RNF121: variants seen among roughly 807,000 people sequenced by gnomAD.
RNF121 encodes E3 ubiquitin ligase RNF121.
RNF121 carries 21 observed loss-of-function variants against 46.5 expected under a neutral mutation model. The observed-to-expected ratio is 0.45, with a 90% CI of 0.32 to 0.65. The LOEUF is 0.65. RNF121 is among the 30% of genes least tolerant of loss of function. The pLI is 0.04. For synonymous variants in RNF121, 139 were observed against 144.7 expected (o/e 0.96, Z 0.28); for missense variants, 346 against 416.0 (o/e 0.83, Z 1.46).
chr11:71,982,114 G>A (rs1483987955), intron 3 of RNF121, among the ~76,000 whole-genome samples: 1 of 152,072 alleles, frequency 6.6e-6, no homozygotes, highest in Non-Finnish European at 1.5e-5. Context: ...GAAATAGTAG[G>A]TCGGGGCCAT....
At chr11:71,993,096 A>T (rs1283319289) in intron 6 of RNF121, among the ~76,000 whole-genome samples, 15 of 152,132 alleles carry the variant, frequency 9.9e-5, no homozygotes, top group Non-Finnish European at 2.9e-5. Flanking sequence ...AGTACATTGG[A>T]TCACTTTATT....
intron 1 of RNF121, among the ~76,000 whole-genome samples, chr11:71,931,926 G>A (rs1398363875): frequency 2.6e-5 from 4 of 152,208 alleles, no homozygotes; most frequent in Non-Finnish European, 5.9e-5. Flanking sequence ...CTAAGATGGA[G>A]TTGGTGTACT....
chr11:71,940,385 A>G (rs758531858), intron 1 of RNF121, among the ~76,000 whole-genome samples: 7 of 152,310 alleles, frequency 4.6e-5, no homozygotes, highest in Non-Finnish European at 7.3e-5. Context: ...TCTCATGGAT[A>G]TGGCTAGGGA....
intron 1 of RNF121, among the ~76,000 whole-genome samples, chr11:71,929,522 G>T (rs1235734800): frequency 6.6e-6 from 1 of 152,120 alleles, no homozygotes; most frequent in Non-Finnish European, 1.5e-5. Context: ...TAAGCCTAGG[G>T]TGGGGGTTGG....
At chr11:71,956,712 C>G (rs1953999361) in intron 1 of RNF121, among the ~76,000 whole-genome samples, 1 of 152,186 alleles carries the variant, frequency 6.6e-6, no homozygotes, top group Non-Finnish European at 1.5e-5. Flanking sequence ...TAGCCATACT[C>G]AATTGCTTGT....
chr11:71,935,857 T>C (rs1953391745), intron 1 of RNF121, among the ~76,000 whole-genome samples: 1 of 146,946 alleles, frequency 6.8e-6, no homozygotes, highest in Non-Finnish European at 1.5e-5. Flanking sequence ...TTTTTTTTTT[T>C]TTTTTTTTTT....
At chr11:71,962,340 T>C in intron 3 of RNF121, 1 of 946,006 alleles carries the variant, frequency 1.1e-6, no homozygotes, top group Non-Finnish European at 1.3e-6. Flanking sequence ...ACTTTTTCCT[T>C]AAGTGTGGAA....
chr11:71,946,806 G>A (rs1313082516), intron 1 of RNF121, among the ~76,000 whole-genome samples: 7 of 151,196 alleles, frequency 4.6e-5, no homozygotes, highest in East Asian at 3.9e-4. Context: ...TCTGCCTCCC[G>A]GGTTCAAGTG....
chr11:71,962,256 G>A (rs771834110), intron 3 of RNF121: 28 of 977,262 alleles, frequency 2.9e-5, no homozygotes, highest in Non-Finnish European at 3.2e-5. Context: ...GAGCCACCGC[G>A]CCCGGCAGAT....
At chr11:71,942,772 G>GATATATATA (rs1953608378) in intron 1 of RNF121, among the ~76,000 whole-genome samples, 1 of 18,928 alleles carries the variant, frequency 5.3e-5, no homozygotes, top group African/African-American at 8.6e-5. Flanking sequence ...CTATATATCT[G>GATATATATA]TATATATATA....
intron 1 of RNF121, among the ~76,000 whole-genome samples, chr11:71,940,819 G>A (rs1284140119): frequency 1.3e-5 from 2 of 152,190 alleles, no homozygotes; most frequent in Admixed American, 6.5e-5. Flanking sequence ...ACTCTGCTTC[G>A]GGAATCCTTA....
chr11:71,978,592 T>A (rs528008281), intron 3 of RNF121, among the ~76,000 whole-genome samples: 1 of 152,276 alleles, frequency 6.6e-6, no homozygotes. Context: ...ATAAGAGCTC[T>A]CATTTACTGA....
intron 5 of RNF121, 50 bp from the exon 6 acceptor site, chr11:71,990,547 G>A (rs1453626846): frequency 2.5e-6 from 4 of 1,602,196 alleles, no homozygotes; most frequent in Non-Finnish European, 3.4e-6. Context: ...GTAATCCATA[G>A]AAGATATGTC....
chr11:71,992,989 G>A (rs554001941), intron 6 of RNF121, among the ~76,000 whole-genome samples: 91 of 152,160 alleles, frequency 6.0e-4, no homozygotes, highest in African/African-American at 2.0e-3. Flanking sequence ...CCATCACCTT[G>A]GGTAACTTTA....
intron 1 of RNF121, among the ~76,000 whole-genome samples, chr11:71,948,513 C>CAA (rs55762433): frequency 0.011 from 393 of 35,318 alleles, 51 homozygotes; most frequent in South Asian, 0.04. Flanking sequence ...AAACTGTCTC[C>CAA]AAAAAAAAAA....
At chr11:71,939,812 G>A (rs1953521988) in intron 1 of RNF121, among the ~76,000 whole-genome samples, 1 of 152,096 alleles carries the variant, frequency 6.6e-6, no homozygotes, top group Non-Finnish European at 1.5e-5. Flanking sequence ...ATTATGCCAG[G>A]TACTCTTTTT....
chr11:71,978,112 G>A, intron 3 of RNF121: 1 of 398,394 alleles, frequency 2.5e-6, no homozygotes, highest in Non-Finnish European at 5.0e-6. Flanking sequence ...TGTTGCCCAG[G>A]CTGGTCTCAA....
chr11:71,933,204 A>G (rs1417898821), intron 1 of RNF121, among the ~76,000 whole-genome samples: 1 of 152,172 alleles, frequency 6.6e-6, no homozygotes, highest in African/African-American at 2.4e-5. Flanking sequence ...TAAGGTAAAA[A>G]AGCACTTCAA....
intron 1 of RNF121, among the ~76,000 whole-genome samples, chr11:71,929,419 G>A (rs183959624): frequency 1.2e-4 from 18 of 152,176 alleles, no homozygotes; most frequent in Non-Finnish European, 2.4e-4. Flanking sequence ...GTGTCTTAGG[G>A]TAGGACCGAA....
Sources: gnomAD v4.1 joint callset for allele counts (sites outside exome capture counted in the v4.1 genomes callset) on GRCh38, gnomAD v4.1.1 for gene constraint, MANE v1.5 for transcripts, NCBI Gene and HGNC (gene_info 2026-07-23, HGNC 2026-07-21) for gene names.